The following ANK3 variants were observed in gnomAD, a reference collection of about 807,000 sequenced individuals.
The protein encoded by ANK3 is ankyrin 3, also known as ankyrin-3.
Under a neutral mutation model 370.9 loss-of-function variants are expected in ANK3, and 57 were observed. That is an observed-to-expected ratio of 0.15 (90% CI 0.12 to 0.19). The LOEUF is 0.19. Ranked by LOEUF, ANK3 falls within the 10% of genes least tolerant of loss-of-function variation. ANK3 has a pLI of 1.00. For missense variants in ANK3, 4,439 were observed against 5,302.1 expected (o/e 0.84, Z 5.06); for synonymous variants, 1,929 against 1,946.3 (o/e 0.99, Z 0.23).
At chr10:60,361,570 T>C (rs1385490928) in intron 1 of ANK3, among the ~76,000 whole-genome samples, 1 of 152,242 alleles carries the variant, frequency 6.6e-6, no homozygotes, top group Non-Finnish European at 1.5e-5. Context: ...TTGTATTTCA[T>C]ATAGTTCAGT....
chr10:60,686,268 C>T (rs116135805), intron 1 of ANK3, among the ~76,000 whole-genome samples: 42 of 152,124 alleles, frequency 2.8e-4, no homozygotes, highest in African/African-American at 1.0e-3. Context: ...ATTGAAATAA[C>T]ACTAAATATA....
chr10:60,091,601 G>A (rs10994190), intron 28 of ANK3, among the ~76,000 whole-genome samples: 14,524 of 152,052 alleles, frequency 0.096, 838 homozygotes, highest in African/African-American at 0.15. Context: ...GTAGACTGGA[G>A]GGAGGATAGG....
chr10:60,720,156 A>C (rs2079843756), intron 1 of ANK3, among the ~76,000 whole-genome samples: 1 of 152,248 alleles, frequency 6.6e-6, no homozygotes, highest in Non-Finnish European at 1.5e-5. Context: ...TACACAGTAG[A>C]AATGCATATT....
intron 1 of ANK3, among the ~76,000 whole-genome samples, chr10:60,332,023 T>G (rs781478160): frequency 5.3e-5 from 8 of 152,074 alleles, no homozygotes; most frequent in Non-Finnish European, 1.2e-4. Flanking sequence ...ACTCATAACA[T>G]CAGGAAATTT....
intron 2 of ANK3, among the ~76,000 whole-genome samples, chr10:60,536,249 T>A (rs1359861224): frequency 2.6e-5 from 4 of 152,082 alleles, no homozygotes; most frequent in Non-Finnish European, 5.9e-5. Flanking sequence ...TAATTGCAGA[T>A]GAAAAATGTG....
chr10:60,472,225 C>A (rs1203162399), intron 2 of ANK3, among the ~76,000 whole-genome samples: 2 of 152,134 alleles, frequency 1.3e-5, no homozygotes, highest in Non-Finnish European at 2.9e-5. Context: ...ATCCTCTTTG[C>A]AATTACCTAG....
chr10:60,423,221 T>C (rs907577082), intron 2 of ANK3, among the ~76,000 whole-genome samples: 3 of 152,054 alleles, frequency 2.0e-5, no homozygotes, highest in Non-Finnish European at 4.4e-5. Context: ...AAGAAGACAA[T>C]CACTTCCAAA....
chr10:60,203,079 C>T lies in ANK3; in HGVS notation c.1315G>A (p.Val439Ile). 1 of 1,613,706 alleles carries T rather than the reference C, an allele frequency of 6.2e-7. No individual in the cohort carries two copies. ...VTESGLTPIH[V>I]AAFMGHVNIV... ...TTTACATGCCCCATGAAGGCAGCAACATGGATTGGGGTAAGGCCCGACTAA... is the reference window on the plus strand; with the variant it reads ...TTTACATGCCCCATGAAGGCAGCAATATGGATTGGGGTAAGGCCCGACTAA... The change falls in exon 12 of 44, where the codon GTT becomes ATT. Residue 439 changes from valine to isoleucine, a missense_variant. Val to Ile is a conservative substitution (Grantham distance 29). This residue lies in a region of ANK3 where 227 missense variants were observed against 377.6 expected (regional missense o/e 0.60). Transcript: ENST00000280772.
At chr10:60,230,468 C>G (rs1275131860) in intron 8 of ANK3, among the ~76,000 whole-genome samples, 1 of 152,168 alleles carries the variant, frequency 6.6e-6, no homozygotes, top group African/African-American at 2.4e-5. Context: ...TGTCCCACCA[C>G]TATGACAGAG....
intron 1 of ANK3, among the ~76,000 whole-genome samples, chr10:60,686,395 G>C (rs2079268538): frequency 6.6e-6 from 1 of 152,098 alleles, no homozygotes; most frequent in Non-Finnish European, 1.5e-5. Flanking sequence ...ATTTCAAGTG[G>C]TAAAAGAATA....
chr10:60,348,535 CAAGT>C (rs1325839092), intron 1 of ANK3, among the ~76,000 whole-genome samples: 9 of 152,222 alleles, frequency 5.9e-5, no homozygotes, highest in Admixed American at 5.2e-4. Context: ...TAACTCAAAA[CAAGT>C]AATTTAACTT....
chr10:60,553,053 T>C (rs1218026532), intron 2 of ANK3, among the ~76,000 whole-genome samples: 1 of 152,204 alleles, frequency 6.6e-6, no homozygotes, highest in Non-Finnish European at 1.5e-5. Context: ...GAAAATTGCC[T>C]AGTCTCAGCT....
rs555831790 is a variant in ANK3, at chr10:60,059,926, A to C, written c.12596-496T>G. ...TCTATGCTAGAGATATCACTAAAAT[A>C]ATCATCTTGCTGGAAAGGGGTAGGT... is the stretch of plus-strand genomic sequence containing the variant. On this transcript the variant is annotated intron_variant, in intron 40 of 43. Transcript: ENST00000280772. The C allele has an allele frequency of 3.2e-4, 521 of 1,614,134 alleles. 8 individuals carry two copies. In the South Asian group the frequency reaches 5.5e-3, roughly 17 times the overall value.
chr10:60,212,054 G>T lies in ANK3; in HGVS notation c.996+1358C>A, dbSNP rs1231721973. Among the ~76,000 whole-genome samples the T allele has an allele frequency of 3.9e-5, 6 of 151,912 alleles. No homozygotes were observed. In the East Asian group the frequency reaches 1.2e-3, roughly 29 times the overall value. On this transcript the variant is annotated intron_variant, in intron 9 of 43. Transcript: ENST00000280772. ...ACAAGAACAGGATACTTTAAGAAAA[G>T]AAGCTATCTGATAACAAGAAAATGT...
chr10:60,665,716 C>A (rs1176331846), intron 1 of ANK3, among the ~76,000 whole-genome samples: 2 of 152,270 alleles, frequency 1.3e-5, no homozygotes, highest in East Asian at 1.9e-4. Context: ...CTAATCCCAG[C>A]GTAATTTCTG....
exon 1 of ANK3, chr10:60,733,466 G>A (rs1469263982): frequency 1.5e-6 from 1 of 689,108 alleles, no homozygotes; most frequent in African/African-American, 1.9e-5. Context: ...CGCCCGCCCA[G>A]CGCGGCCTAT....
chr10:60,558,938 G>A (rs1392206691), intron 2 of ANK3, among the ~76,000 whole-genome samples: 1 of 152,066 alleles, frequency 6.6e-6, no homozygotes, highest in African/African-American at 2.4e-5. Flanking sequence ...TTGTAAAGAA[G>A]AAAATAAAGC....
rs116026790 is a variant in ANK3, at chr10:60,253,981, A to C, written c.798+7878T>G. Among the ~76,000 whole-genome samples, 476 of 152,278 alleles carry C rather than the reference A, an allele frequency of 3.1e-3. 5 individuals carry two copies. The highest frequency in any genetic ancestry group is 0.017 in the Middle Eastern group (5 of 294). On this transcript the variant is annotated intron_variant, in intron 7 of 43. Coordinates refer to ENST00000280772, the MANE Select transcript of ANK3 (RefSeq NM_020987.5). ...TTGTTTAAAGCATGATTTGTATAAT[A>C]AGAGGAAAATATACAGTCATCCTAT...
intron 7 of ANK3, among the ~76,000 whole-genome samples, chr10:60,241,252 T>C (rs1489459131): frequency 6.6e-6 from 1 of 152,186 alleles, no homozygotes; most frequent in Non-Finnish European, 1.5e-5. Flanking sequence ...AGAAGAAGCA[T>C]GAATTAACAT....
Sources: gnomAD v4.1 joint callset for allele counts (sites outside exome capture counted in the v4.1 genomes callset) on GRCh38, gnomAD v4.1.1 for gene constraint, gnomAD v4.1.1 regional missense constraint, MANE v1.5 for transcripts, NCBI Gene and HGNC (gene_info 2026-07-23, HGNC 2026-07-21) for gene names.